The following ERLEC1 variants were observed in gnomAD, a reference collection of about 807,000 sequenced individuals.
The protein encoded by ERLEC1 is endoplasmic reticulum lectin 1.
ERLEC1 carries 47 observed loss-of-function variants against 68.0 expected under a neutral mutation model. That is an observed-to-expected ratio of 0.69 (90% confidence interval 0.55 to 0.88). ERLEC1 has a LOEUF of 0.88. Among genes scored for constraint, ERLEC1 ranks in the 40% least tolerant of loss-of-function variants. The probability of loss-of-function intolerance (pLI) is 0.00; values close to 1 mark genes in which losing one functional copy is unlikely to be tolerated. For synonymous variants in ERLEC1, 225 were observed against 203.2 expected, an observed-to-expected ratio of 1.11 and a Z score of -0.91; for missense variants, 567 against 583.8, an observed-to-expected ratio of 0.97 and a Z score of 0.30.
rs201699099 is a variant in ERLEC1, at chr2:53,801,511, A to C, written c.640A>C (p.Ile214Leu). ...NRPRSSTVMY[I>L]CHPESKHEIL... ...GCCCAGATCAAGTACTGTGATGTACATATGTCATCCTGAATCTAAGCATGA... is the reference window on the plus strand; with the variant it reads ...GCCCAGATCAAGTACTGTGATGTACCTATGTCATCCTGAATCTAAGCATGA... Residue 214 changes from isoleucine (I) to leucine (L), a missense_variant, in exon 7 of 14, where the codon ATA becomes CTA. Ile to Leu is a conservative substitution (Grantham distance 5). Coordinates refer to ENST00000185150, the MANE Select transcript of ERLEC1 (RefSeq NM_015701.5). 6.2e-7 allele frequency: 1 copy of C among 1,614,034 alleles called. No individual in the cohort carries two copies. Among genetic ancestry groups the C allele is most frequent in the South Asian group, 1.1e-5 (1 of 91,086 alleles).
At chr2:53,797,369 C>G in intron 3 of ERLEC1, 146 bp from the exon 4 acceptor site, 1 of 583,828 alleles carries the variant, frequency 1.7e-6, no homozygotes, top group East Asian at 3.0e-5. Flanking sequence ...AGAAATTTCA[C>G]ATTTTTTTGA....
chr2:53,801,686 C>T (rs763184193), intron 7 of ERLEC1, 27 bp from the exon 8 acceptor site: 5 of 1,613,704 alleles, frequency 3.1e-6, no homozygotes, highest in Non-Finnish European at 4.2e-6. Context: ...CTGTGCATAG[C>T]TTTAATGCTT....
chr2:53,815,745 C>G (rs1487013629), intron 13 of ERLEC1, among the ~76,000 whole-genome samples: 1 of 151,428 alleles, frequency 6.6e-6, no homozygotes, highest in Non-Finnish European at 1.5e-5. Context: ...GATTTTTTTT[C>G]TATTGATACA....
chr2:53,795,846 G>T (rs1034617553), intron 2 of ERLEC1, 87 bp from the exon 3 acceptor site: 7 of 826,096 alleles, frequency 8.5e-6, no homozygotes, highest in Non-Finnish European at 1.4e-5. Flanking sequence ...AAGCATTTGT[G>T]ATTTGAGTAA....
At chr2:53,793,071 T>C (rs1407820687) in intron 1 of ERLEC1, among the ~76,000 whole-genome samples, 1 of 152,004 alleles carries the variant, frequency 6.6e-6, no homozygotes, top group Non-Finnish European at 1.5e-5. Flanking sequence ...GAAGAGGTTC[T>C]CCTTGCCAGG....
At chr2:53,789,181 G>C (rs1326715955) in intron 1 of ERLEC1, among the ~76,000 whole-genome samples, 1 of 151,916 alleles carries the variant, frequency 6.6e-6, no homozygotes, top group African/African-American at 2.4e-5. Flanking sequence ...GGATTATGAG[G>C]TCAGGAATTC....
In ERLEC1 at chr2:53,797,529, G is replaced by T; in HGVS notation, c.363G>T (p.Trp121Cys). The T allele has an allele frequency of 6.2e-7, 1 of 1,611,914 alleles. No individual in the cohort carries two copies. Among genetic ancestry groups the T allele is most frequent in the South Asian group, 1.1e-5 (1 of 90,292 alleles). Reference protein sequence around the residue: ...SSCSYRIESYWTYEVCHGKHI... With the variant: ...SSCSYRIESYCTYEVCHGKHI... The stretch of plus-strand genomic sequence containing the variant: ...ATCTTTTTTAGATTGAGTCTTATTG[G>T]ACTTACGAAGTATGTCATGGAAAAC... Residue 121 changes from tryptophan to cysteine, a missense_variant, in exon 4 of 14, where the codon TGG (tryptophan) becomes TGT (cysteine). Trp to Cys is a radical substitution (Grantham distance 215). Transcript: ENST00000185150.
chr2:53,814,587 C>G lies in ERLEC1; in HGVS notation c.1271C>G (p.Thr424Ser). ...GGAAATGGAGATATTTGTGATATAA[C>G]TGACAAACCAAGACAGGTGACTGTA... ...FYGNGDICDI[T>S]DKPRQVTVKL... The change falls in exon 12 of 14, where the codon ACT becomes AGT. Residue 424 changes from threonine to serine, a missense_variant. Physicochemically the swap from Thr to Ser is moderately conservative, Grantham distance 58. Transcript: ENST00000185150. 1.2e-6 allele frequency: 2 copies of G among 1,611,922 alleles called. No homozygotes were observed. The highest frequency in any genetic ancestry group is 1.1e-5 in the South Asian group (1 of 90,820).
At position 53,809,015 on chromosome 2, in the gene ERLEC1, T is replaced by A. The variant is rs538155637; in HGVS notation, c.1042-199T>A. Among the ~76,000 whole-genome samples the A allele has an allele frequency of 3.3e-4, 51 of 152,348 alleles. 2 individuals are homozygous for A. The South Asian group carries it at 0.01, about 30-fold the overall frequency. On this transcript the variant is annotated intron_variant, in intron 9 of 13. Coordinates refer to ENST00000185150, the MANE Select transcript of ERLEC1 (RefSeq NM_015701.5). ...AGTTACTAGTGGAATTTTTGTTTTA[T>A]TGTATTTAAAATTTTACCAAGACAG...
Position 53,812,966 on chromosome 2 carries a change from A to G in ERLEC1, c.1119A>G (p.Lys373=), listed in dbSNP as rs1486899595. Residue 373 remains lysine, a synonymous_variant, in exon 11 of 14, where the codon AAA becomes AAG. Transcript: ENST00000185150. ...CATATTAGGACAAGGATAGTGGGAA[A>G]ACCTCTGTGGTTGTCGGGACATGGA... ...HQYHEDKDSG[K]TSVVVGTWNQ... 2.5e-6 allele frequency: 4 copies of G among 1,612,338 alleles called. No homozygotes were observed. The highest frequency in any genetic ancestry group is 2.7e-5 in the African/African-American group (2 of 74,942).
chr2:53,804,747 T>C (rs1056447515), intron 8 of ERLEC1, among the ~76,000 whole-genome samples: 1 of 152,072 alleles, frequency 6.6e-6, no homozygotes, highest in Non-Finnish European at 1.5e-5. Context: ...GTAGGTCTTG[T>C]TCATTCTAAG....
At chr2:53,791,820 T>G (rs1675407139) in intron 1 of ERLEC1, among the ~76,000 whole-genome samples, 1 of 151,852 alleles carries the variant, frequency 6.6e-6, no homozygotes, top group African/African-American at 2.4e-5. Context: ...GAATAAATGT[T>G]TCTAAGAAAT....
At chr2:53,817,734 AGTT>A (rs1401467311) in intron 13 of ERLEC1, among the ~76,000 whole-genome samples, 161 bp from the exon 14 acceptor site, 3 of 152,152 alleles carry the variant, frequency 2.0e-5, no homozygotes, top group Non-Finnish European at 4.4e-5. Context: ...GATGACTAAA[AGTT>A]GTTTTTCAAG....
intron 1 of ERLEC1, 78 bp downstream of exon 1, chr2:53,787,450 CTT>C: frequency 6.7e-7 from 1 of 1,494,746 alleles, no homozygotes. Flanking sequence ...GTTTTCTTTG[CTT>C]TTTCTCCCCA....
At position 53,787,141 on chromosome 2, in the gene ERLEC1, C is replaced by T; in HGVS notation, c.-70C>T. On this transcript the variant is annotated 5_prime_UTR_variant, in exon 1 of 14. Coordinates refer to ENST00000185150, the MANE Select transcript of ERLEC1 (RefSeq NM_015701.5). The stretch of plus-strand genomic sequence containing the variant: ...AGTCCCGCCGCCTCCTCCTCCACCT[C>T]CTCCTCCTCCTCCTCTCCTCCTGGA... The T allele has an allele frequency of 3.7e-6, 5 of 1,354,064 alleles. No individual in the cohort carries two copies. Among genetic ancestry groups the T allele is most frequent in the East Asian group, 2.7e-5 (1 of 36,930 alleles). The allele number at this position is 1,354,064 out of a possible 1,614,324, so 83.9% of individuals were successfully genotyped here.
intron 5 of ERLEC1, 138 bp downstream of exon 5, chr2:53,797,933 A>AC (rs1675803583): frequency 1.3e-6 from 1 of 756,830 alleles, no homozygotes; most frequent in East Asian, 2.6e-5. Context: ...GCGGTGGCTG[A>AC]CGCGTGTAAT....
chr2:53,792,061 G>A (rs1003840172), intron 1 of ERLEC1, among the ~76,000 whole-genome samples: 7 of 151,682 alleles, frequency 4.6e-5, no homozygotes, highest in East Asian at 1.9e-4. Context: ...ACAGGCGCCC[G>A]CCACCACGGC....
chr2:53,811,955 T>C (rs560555555), intron 10 of ERLEC1, among the ~76,000 whole-genome samples: 1 of 152,210 alleles, frequency 6.6e-6, no homozygotes, highest in African/African-American at 2.4e-5. Context: ...TTTCCTCTTA[T>C]TGCTCAGGCT....
At chr2:53,789,659 T>C (rs995380189) in intron 1 of ERLEC1, among the ~76,000 whole-genome samples, 1 of 152,136 alleles carries the variant, frequency 6.6e-6, no homozygotes, top group African/African-American at 2.4e-5. Context: ...GCCACAATAG[T>C]CATTATCATT....
Sources: gnomAD v4.1 joint callset for allele counts (sites outside exome capture counted in the v4.1 genomes callset) on GRCh38, gnomAD v4.1.1 for gene constraint, MANE v1.5 for transcripts, NCBI Gene and HGNC (gene_info 2026-07-23, HGNC 2026-07-21) for gene names.